HSD17B3: variants seen among roughly 807,000 people sequenced by gnomAD.
HSD17B3 encodes the protein hydroxysteroid 17-beta dehydrogenase 3, also known as 17-beta-hydroxysteroid dehydrogenase type 3.
HSD17B3 carries 29 observed loss-of-function variants against 41.1 expected under a neutral mutation model. That is an observed-to-expected ratio of 0.71 (90% CI 0.53 to 0.96). The LOEUF is 0.96. HSD17B3 is among the 40% of genes least tolerant of loss of function. The pLI is 0.00. For synonymous variants in HSD17B3, 126 were observed against 145.6 expected, an observed-to-expected ratio of 0.87 and a Z score of 0.97; for missense variants, 323 against 374.6, an observed-to-expected ratio of 0.86 and a Z score of 1.14.
At chr9:96,270,269 CAGAGAG>C (rs961122103) in intron 2 of HSD17B3, among the ~76,000 whole-genome samples, 3,936 of 150,852 alleles carry the variant, frequency 0.026, 185 homozygotes, top group African/African-American at 0.09. Flanking sequence ...CACACACACA[CAGAGAG>C]AGAGAGAGAG....
At chr9:96,246,921 T>A (rs1333586783) in intron 6 of HSD17B3, among the ~76,000 whole-genome samples, 1 of 152,208 alleles carries the variant, frequency 6.6e-6, no homozygotes, top group Non-Finnish European at 1.5e-5. Context: ...GTTCCCATGA[T>A]ACTCTTCATT....
At chr9:96,260,198 A>G (rs1193219970) in intron 2 of HSD17B3, among the ~76,000 whole-genome samples, 1 of 152,194 alleles carries the variant, frequency 6.6e-6, no homozygotes, top group African/African-American at 2.4e-5. Context: ...CAGTTTGCAA[A>G]TATTTAAATT....
Position 96,249,772 on chromosome 9 carries a change from AC to A in HSD17B3, c.467del (p.Cys156LeufsTer6). The part of the protein sequence containing the change: ...APDEIQSLIH[C>X]NITSVVKMTQ... ...ATACCTTGACTACGGAGGTGATGTT[AC>A]AATGGATGAGGCTCTGTAATAAATA... On this transcript the variant is annotated frameshift_variant, in exon 6 of 11. Coordinates refer to ENST00000375263, the MANE Select transcript of HSD17B3 (RefSeq NM_000197.2). LOFTEE classifies it high-confidence loss of function. The A allele has an allele frequency of 6.2e-7, 1 of 1,614,118 alleles. No individual in the cohort carries two copies. Among genetic ancestry groups the A allele is most frequent in the Non-Finnish European group, 8.5e-7 (1 of 1,179,974 alleles).
At chr9:96,277,150 G>A (rs1015616410) in intron 2 of HSD17B3, among the ~76,000 whole-genome samples, 1 of 149,334 alleles carries the variant, frequency 6.7e-6, no homozygotes, top group Non-Finnish European at 1.5e-5. Context: ...GCAGTGAGCC[G>A]AGATCACACC....
intron 2 of HSD17B3, among the ~76,000 whole-genome samples, chr9:96,270,328 A>G (rs751811184): frequency 2.0e-5 from 3 of 152,138 alleles, no homozygotes; most frequent in Non-Finnish European, 4.4e-5. Flanking sequence ...GGCATGCTAT[A>G]ATGTACTTAG....
At chr9:96,301,336 G>A (rs1344396618) in intron 1 of HSD17B3, among the ~76,000 whole-genome samples, 1 of 147,550 alleles carries the variant, frequency 6.8e-6, no homozygotes, top group Non-Finnish European at 1.5e-5. Flanking sequence ...CCCAGCCGTT[G>A]GGGAGGCCGA....
rs35024493 is a variant in HSD17B3, at chr9:96,235,429, A to G, written c.*31T>C. 21 of 1,489,270 alleles carry G rather than the reference A, an allele frequency of 1.4e-5. No individual in the cohort carries two copies. The East Asian group carries it at 4.8e-4, about 34-fold the overall frequency. The allele number at this position is 1,489,270 out of a possible 1,614,324, so 92.3% of individuals were successfully genotyped here. ...TTCAGCCAGCATGGGACTGGTGAGG[A>G]AAAGGTTGTGCTGGACTCCTCACCG... On this transcript the variant is annotated 3_prime_UTR_variant, in exon 11 of 11. Transcript: ENST00000375263.
At chr9:96,295,730 A>G (rs1277198806) in intron 2 of HSD17B3, among the ~76,000 whole-genome samples, 10 of 152,254 alleles carry the variant, frequency 6.6e-5, no homozygotes, top group Admixed American at 6.5e-4. Flanking sequence ...GCTGTTTCAC[A>G]TAAGATGGCT....
chr9:96,295,379 G>C (rs1488140099), intron 2 of HSD17B3, among the ~76,000 whole-genome samples: 3 of 150,566 alleles, frequency 2.0e-5, no homozygotes, highest in African/African-American at 7.3e-5. Flanking sequence ...TTGTCCCCCA[G>C]GCTGGAGTGC....
intron 2 of HSD17B3, among the ~76,000 whole-genome samples, chr9:96,273,458 C>T (rs1030491804): frequency 2.0e-5 from 3 of 152,198 alleles, no homozygotes; most frequent in Non-Finnish European, 4.4e-5. Flanking sequence ...TGTGACTGTC[C>T]CTCATGGGAG....
At position 96,255,367 on chromosome 9, in the gene HSD17B3, C is replaced by CTTTTTTTTTT. The variant is rs869145717; in HGVS notation, c.202-434_202-425dup. ...AAGCAGTGTTTCTGCCCCAACATTT[C>CTTTTTTTTTT]TTTTTTTTTTTTTTTTTTTTTTTTT... On this transcript the variant is annotated intron_variant, in intron 2 of 10. Transcript: ENST00000375263. Among the ~76,000 whole-genome samples the CTTTTTTTTTT allele has an allele frequency of 1.3e-3, 69 of 54,558 alleles. 14 individuals are homozygous for CTTTTTTTTTT. The highest frequency in any genetic ancestry group is 1.7e-3 in the Non-Finnish European group (51 of 29,468). 35.8% of individuals were successfully genotyped at this position (54,558 alleles called of 152,430 possible).
Position 96,235,470 on chromosome 9 carries a change from T to G in HSD17B3, c.923A>C (p.Lys308Thr), listed in dbSNP as rs758786011. The change falls in exon 11 of 11, where the codon AAG becomes ACG. Residue 308 changes from lysine (K) to threonine (T), a missense_variant. Lys to Thr is a moderately conservative substitution (Grantham distance 78). Coordinates refer to ENST00000375263, the MANE Select transcript of HSD17B3 (RefSeq NM_000197.2). ...HYVAYLKLNT[K>T]VR is the part of the protein sequence containing the mutation. ...CTCCTCACCGCCTGGCTACCTGACC[T>G]TGGTGTTGAGCTTCAGGTATGCCAC... is the stretch of plus-strand genomic sequence containing the variant. 1.7e-5 allele frequency: 28 copies of G among 1,612,510 alleles called. No homozygotes were observed. The highest frequency in any genetic ancestry group is 2.3e-5 in the Non-Finnish European group (27 of 1,178,828).
intron 1 of HSD17B3, among the ~76,000 whole-genome samples, chr9:96,300,064 G>A (rs886923712): frequency 6.6e-6 from 1 of 151,836 alleles, no homozygotes; most frequent in African/African-American, 2.4e-5. Flanking sequence ...CTACACAAAC[G>A]ACAGCAGCTG....
chr9:96,235,906 A>C lies in HSD17B3; in HGVS notation c.823-336T>G, dbSNP rs147454495. On this transcript the variant is annotated intron_variant, in intron 10 of 10. Coordinates refer to ENST00000375263, the MANE Select transcript of HSD17B3 (RefSeq NM_000197.2). Reference sequence around the variant, plus strand: ...CTGCAGCCTCAACCTCCTGGGCTCAAGGGATCCTCCCACTTCAGCCTCTTG... The same window carrying C: ...CTGCAGCCTCAACCTCCTGGGCTCACGGGATCCTCCCACTTCAGCCTCTTG... Among the ~76,000 whole-genome samples, 606 of 152,104 alleles carry C rather than the reference A, an allele frequency of 4.0e-3. 9 individuals are homozygous for C. Among genetic ancestry groups the C allele is most frequent in the African/African-American group, 0.014 (579 of 41,528 alleles).
chr9:96,276,107 T>TAAAAA (rs57386167), intron 2 of HSD17B3, among the ~76,000 whole-genome samples: 19 of 41,090 alleles, frequency 4.6e-4, no homozygotes, highest in South Asian at 2.6e-3. Flanking sequence ...TCCTGTCTCA[T>TAAAAA]AAAAAAAAAA....
intron 2 of HSD17B3, among the ~76,000 whole-genome samples, chr9:96,292,907 G>A (rs1827207247): frequency 6.6e-6 from 1 of 152,168 alleles, no homozygotes. Flanking sequence ...TGAAAGAAAA[G>A]GACTGTCAAC....
At chr9:96,277,003 C>T (rs538614712) in intron 2 of HSD17B3, among the ~76,000 whole-genome samples, 40 of 152,196 alleles carry the variant, frequency 2.6e-4, no homozygotes, top group South Asian at 1.2e-3. Flanking sequence ...AGATCGAGAC[C>T]ATCCTGGCTA....
At chr9:96,294,763 G>A (rs980017081) in intron 2 of HSD17B3, among the ~76,000 whole-genome samples, 2 of 152,140 alleles carry the variant, frequency 1.3e-5, no homozygotes, top group Non-Finnish European at 2.9e-5. Context: ...TGATTTGGGG[G>A]AATGGAAGAC....
At chr9:96,262,901 A>G (rs1235580954) in intron 2 of HSD17B3, among the ~76,000 whole-genome samples, 2 of 152,148 alleles carry the variant, frequency 1.3e-5, no homozygotes, top group African/African-American at 4.8e-5. Flanking sequence ...TTTGCCATTT[A>G]TCAGTAAGTG....
Sources: gnomAD v4.1 joint callset for allele counts (sites outside exome capture counted in the v4.1 genomes callset) on GRCh38, gnomAD v4.1.1 for gene constraint, MANE v1.5 for transcripts, NCBI Gene and HGNC (gene_info 2026-07-23, HGNC 2026-07-21) for gene names.